Variants in LRRC37A2 observed in about 807,000 individuals in gnomAD.
The protein encoded by LRRC37A2 is leucine-rich repeat-containing protein 37A2.
A neutral mutation model predicts 68.8 loss-of-function variants in LRRC37A2; 9 were observed. The observed-to-expected ratio is 0.13, with a 90% CI of 0.08 to 0.23. LRRC37A2 has a LOEUF of 0.23. LRRC37A2 is among the 10% of genes least tolerant of loss of function. The probability of loss-of-function intolerance (pLI) is 1.00; values close to 1 mark genes in which losing one functional copy is unlikely to be tolerated. For missense variants in LRRC37A2, 168 were observed against 950.4 expected (o/e 0.18, Z 10.82); for synonymous variants, 63 against 367.6 (o/e 0.17, Z 9.48).
At chr17:46,857,234 C>T in the LRRC37A2 span, among the ~76,000 whole-genome samples, 36 of 152,078 alleles carry the variant, frequency 2.4e-4, no homozygotes, top group Admixed American at 5.9e-4. Context: ...TTTGGGAGGC[C>T]GAGACGGGCA....
the LRRC37A2 span, chr17:46,751,574 A>G: frequency 6.2e-7 from 1 of 1,614,080 alleles, no homozygotes; most frequent in Non-Finnish European, 8.5e-7. Flanking sequence ...AGGTCTGGAT[A>G]GGAATCAAGA....
the LRRC37A2 span, among the ~76,000 whole-genome samples, chr17:46,888,413 T>C: frequency 6.6e-6 from 1 of 152,172 alleles, no homozygotes; most frequent in Non-Finnish European, 1.5e-5. Flanking sequence ...TCAATTATGG[T>C]TGCTGTCATT....
the LRRC37A2 span, among the ~76,000 whole-genome samples, chr17:47,020,857 G>C: frequency 6.8e-6 from 1 of 146,742 alleles, no homozygotes; most frequent in Non-Finnish European, 1.5e-5. Flanking sequence ...ATATAATTAA[G>C]TACTAAAAGA....
the LRRC37A2 span, chr17:46,932,210 C>T: frequency 6.2e-7 from 1 of 1,613,884 alleles, no homozygotes; most frequent in Non-Finnish European, 8.5e-7. Flanking sequence ...GTAAGCCAGG[C>T]CCGTGGTGAG....
chr17:46,495,390 GTTT>G, the LRRC37A2 span, among the ~76,000 whole-genome samples: 6 of 149,974 alleles, frequency 4.0e-5, no homozygotes, highest in African/African-American at 1.5e-4. Flanking sequence ...TTTTGTTTTT[GTTT>G]TTGTTTTTAG....
chr17:46,930,951 C>T, the LRRC37A2 span: 1 of 640,614 alleles, frequency 1.6e-6, no homozygotes. Flanking sequence ...TGAATTTTTT[C>T]TGTTATTCAT....
chr17:46,940,022 C>T, the LRRC37A2 span: 1 of 1,039,968 alleles, frequency 9.6e-7, no homozygotes, highest in Non-Finnish European at 1.2e-6. Context: ...AGTATTAACC[C>T]TACCTTTGGT....
chr17:46,575,695 C>T, the LRRC37A2 span, among the ~76,000 whole-genome samples: 2 of 69,344 alleles, frequency 2.9e-5, no homozygotes, highest in African/African-American at 1.3e-4. Flanking sequence ...GGATACATAA[C>T]CTGGCCAGGC....
At chr17:46,733,587 T>G in the LRRC37A2 span, among the ~76,000 whole-genome samples, 3 of 152,138 alleles carry the variant, frequency 2.0e-5, no homozygotes, top group East Asian at 5.8e-4. Context: ...TTCCCAACCT[T>G]TTTAGATTAT....
the LRRC37A2 span, among the ~76,000 whole-genome samples, chr17:46,949,716 T>C: frequency 6.6e-6 from 1 of 152,214 alleles, no homozygotes; most frequent in East Asian, 1.9e-4. Flanking sequence ...CCTGGAACCC[T>C]GGAGGAGGCT....
At chr17:46,842,141 A>G in the LRRC37A2 span, among the ~76,000 whole-genome samples, 1 of 152,214 alleles carries the variant, frequency 6.6e-6, no homozygotes, top group Non-Finnish European at 1.5e-5. Context: ...CTCTGGGATT[A>G]AAGGCTTGGG....
the LRRC37A2 span, chr17:46,929,697 G>A: frequency 1.4e-6 from 1 of 703,396 alleles, no homozygotes; most frequent in Non-Finnish European, 2.6e-6. Context: ...CGTGGAATGA[G>A]TTTTGTTGTT....
chr17:46,495,681 A>G, the LRRC37A2 span, among the ~76,000 whole-genome samples: 1 of 150,404 alleles, frequency 6.6e-6, no homozygotes, highest in African/African-American at 2.5e-5. Flanking sequence ...CACTGCGCCC[A>G]GCCCCTTTGT....
the LRRC37A2 span, among the ~76,000 whole-genome samples, chr17:46,957,517 G>A: frequency 6.6e-6 from 1 of 152,162 alleles, no homozygotes; most frequent in African/African-American, 2.4e-5. Context: ...GGAGGCTGAG[G>A]CAGGAGAATT....
the LRRC37A2 span, among the ~76,000 whole-genome samples, chr17:46,889,436 A>T: frequency 2.6e-5 from 4 of 152,164 alleles, no homozygotes; most frequent in African/African-American, 9.7e-5. Context: ...TCTTGGAAGG[A>T]CATGGAAGTC....
At chr17:46,836,307 T>C in the LRRC37A2 span, among the ~76,000 whole-genome samples, 1 of 152,134 alleles carries the variant, frequency 6.6e-6, no homozygotes, top group Non-Finnish European at 1.5e-5. Flanking sequence ...AGGGACATAA[T>C]TGCATTCCTT....
chr17:46,543,583 G>A (rs1025691708), intron 8 of LRRC37A2, among the ~76,000 whole-genome samples: 3 of 150,772 alleles, frequency 2.0e-5, no homozygotes, highest in Non-Finnish European at 4.4e-5. Flanking sequence ...TGGTTCTTAG[G>A]GGCTGCACAC....
the LRRC37A2 span, among the ~76,000 whole-genome samples, chr17:46,980,434 A>G: frequency 4.1e-5 from 6 of 144,926 alleles, no homozygotes; most frequent in East Asian, 1.2e-3. Context: ...TTTTTCTTTC[A>G]TCAGAAACAA....
At chr17:46,988,990 C>T in the LRRC37A2 span, among the ~76,000 whole-genome samples, 2 of 152,294 alleles carry the variant, frequency 1.3e-5, no homozygotes, top group East Asian at 1.9e-4. Flanking sequence ...CCAGAGGGGA[C>T]ACTGTGGACG....
Sources: gnomAD v4.1 joint callset for allele counts (sites outside exome capture counted in the v4.1 genomes callset) on GRCh38, gnomAD v4.1.1 for gene constraint, MANE v1.5 for transcripts, NCBI Gene and HGNC (gene_info 2026-07-23, HGNC 2026-07-21) for gene names.